ASTN2: variants seen among roughly 807,000 people sequenced by gnomAD.
ASTN2 encodes the protein astrotactin-2.
Under a neutral mutation model 139.8 loss-of-function variants are expected in ASTN2, and 54 were observed. That is an observed-to-expected ratio of 0.39 (90% CI 0.31 to 0.48). The LOEUF (loss-of-function observed/expected upper bound fraction) is 0.48. Among genes scored for constraint, ASTN2 ranks in the 20% least tolerant of loss-of-function variants. The probability of loss-of-function intolerance (pLI) is 0.95; values close to 1 mark genes in which losing one functional copy is unlikely to be tolerated. For synonymous variants in ASTN2, 756 were observed against 719.5 expected, an observed-to-expected ratio of 1.05 and a Z score of -0.81; for missense variants, 1,565 against 1,725.1, an observed-to-expected ratio of 0.91 and a Z score of 1.64.
intron 5 of ASTN2, among the ~76,000 whole-genome samples, chr9:117,071,172 T>C (rs1326206271): frequency 6.7e-6 from 1 of 150,362 alleles, no homozygotes; most frequent in African/African-American, 2.5e-5. Context: ...ATGATGGTGA[T>C]GTACAGATGG....
intron 13 of ASTN2, among the ~76,000 whole-genome samples, chr9:116,792,718 G>T (rs546465485): frequency 1.3e-5 from 2 of 152,118 alleles, no homozygotes; most frequent in African/African-American, 2.4e-5. Context: ...AGGATTATAC[G>T]CAGAAGACTT....
At chr9:116,628,328 A>G (rs1856564741) in intron 17 of ASTN2, among the ~76,000 whole-genome samples, 1 of 152,224 alleles carries the variant, frequency 6.6e-6, no homozygotes, top group Admixed American at 6.5e-5. Context: ...TTTCTAATTT[A>G]CTGTGTGACC....
intron 4 of ASTN2, among the ~76,000 whole-genome samples, chr9:117,102,635 G>C (rs948780338): frequency 2.0e-5 from 3 of 152,246 alleles, no homozygotes; most frequent in Non-Finnish European, 2.9e-5. Flanking sequence ...CGATTCTCCT[G>C]CCTTAGCTTC....
chr9:116,479,849 T>A (rs375983623), intron 20 of ASTN2, among the ~76,000 whole-genome samples: 3 of 152,220 alleles, frequency 2.0e-5, no homozygotes, highest in South Asian at 4.1e-4. Context: ...CATTTCTATA[T>A]GCCCAACTCT....
At chr9:116,932,594 G>A (rs1834932878) in intron 10 of ASTN2, among the ~76,000 whole-genome samples, 1 of 151,978 alleles carries the variant, frequency 6.6e-6, no homozygotes, top group South Asian at 2.1e-4. Context: ...ATGTGCCCTG[G>A]AACACCCCAT....
chr9:117,100,563 T>G (rs1163960830), intron 4 of ASTN2, among the ~76,000 whole-genome samples: 1 of 152,248 alleles, frequency 6.6e-6, no homozygotes, highest in Non-Finnish European at 1.5e-5. Flanking sequence ...ATGCATTTTG[T>G]GCTTACAGCA....
chr9:117,227,426 T>G (rs1832751073), intron 2 of ASTN2, among the ~76,000 whole-genome samples: 1 of 152,178 alleles, frequency 6.6e-6, no homozygotes, highest in Non-Finnish European at 1.5e-5. Flanking sequence ...TTGTCAATGC[T>G]TAGTAATTCT....
chr9:117,119,527 C>T (rs1250390583), intron 4 of ASTN2, among the ~76,000 whole-genome samples: 10 of 152,160 alleles, frequency 6.6e-5, no homozygotes, highest in Admixed American at 6.5e-4. Context: ...CATCTCACAG[C>T]TTTCACTCCA....
intron 16 of ASTN2, among the ~76,000 whole-genome samples, chr9:116,658,423 C>T (rs1858356096): frequency 6.6e-6 from 1 of 152,164 alleles, no homozygotes; most frequent in Non-Finnish European, 1.5e-5. Context: ...GAAGAAAGAA[C>T]TGGCCTGGAA....
intron 10 of ASTN2, among the ~76,000 whole-genome samples, chr9:116,876,110 A>G (rs1200766845): frequency 6.6e-6 from 1 of 152,240 alleles, no homozygotes. Flanking sequence ...CTTAGATGCC[A>G]TGAGAAAAAT....
chr9:116,792,129 G>C (rs1830576164), intron 13 of ASTN2, among the ~76,000 whole-genome samples: 1 of 151,902 alleles, frequency 6.6e-6, no homozygotes, highest in Admixed American at 6.6e-5. Flanking sequence ...AGATTACAGA[G>C]GGCTTGTTTA....
chr9:117,110,979 C>A (rs571617645), intron 4 of ASTN2, among the ~76,000 whole-genome samples: 27 of 152,266 alleles, frequency 1.8e-4, no homozygotes, highest in Admixed American at 4.6e-4. Flanking sequence ...GACCTCTGGA[C>A]TACACATGTG....
chr9:116,620,444 C>A lies in ASTN2; in HGVS notation c.3073-1G>T. On this transcript the variant is annotated splice_acceptor_variant, in intron 17 of 22. Transcript: ENST00000313400. LOFTEE classifies it high-confidence loss of function. Reference sequence around the variant, plus strand: ...AACTCATCAGTGCACTCTTGAAGGCCTGGACAAAAAAAGAGGACAGAATAG... The same window carrying A: ...AACTCATCAGTGCACTCTTGAAGGCATGGACAAAAAAAGAGGACAGAATAG... 6.2e-7 allele frequency: 1 copy of A among 1,613,542 alleles called. No homozygotes were observed. Among genetic ancestry groups the A allele is most frequent in the Admixed American group, 1.7e-5 (1 of 59,902 alleles).
At chr9:117,229,153 C>T (rs1035098971) in intron 2 of ASTN2, among the ~76,000 whole-genome samples, 6 of 152,192 alleles carry the variant, frequency 3.9e-5, no homozygotes, top group African/African-American at 1.4e-4. Context: ...CCCCTGCTGG[C>T]AGGACAGGCA....
intron 1 of ASTN2, among the ~76,000 whole-genome samples, chr9:117,393,115 C>G (rs181977965): frequency 1.4e-3 from 210 of 152,306 alleles, no homozygotes; most frequent in African/African-American, 5.0e-3. Flanking sequence ...AAGGCCAGCC[C>G]CTCCTCAGCC....
chr9:117,089,631 G>C (rs142629379), intron 5 of ASTN2, among the ~76,000 whole-genome samples: 2 of 151,876 alleles, frequency 1.3e-5, no homozygotes, highest in Non-Finnish European at 2.9e-5. Flanking sequence ...CCCATCACCT[G>C]AGCAGTATAC....
intron 13 of ASTN2, among the ~76,000 whole-genome samples, chr9:116,764,522 T>G (rs1402436550): frequency 6.6e-6 from 1 of 152,204 alleles, no homozygotes; most frequent in Non-Finnish European, 1.5e-5. Flanking sequence ...TGAACTCAGA[T>G]TCTGTTTTCT....
chr9:117,385,691 C>A (rs1830377773), intron 1 of ASTN2, among the ~76,000 whole-genome samples: 2 of 151,542 alleles, frequency 1.3e-5, no homozygotes, highest in South Asian at 4.2e-4. Flanking sequence ...TCTGTGTGCC[C>A]CTAGGAACGA....
chr9:116,895,249 T>C (rs549000178), intron 10 of ASTN2, among the ~76,000 whole-genome samples: 3 of 152,378 alleles, frequency 2.0e-5, no homozygotes, highest in Admixed American at 6.5e-5. Context: ...CTTCAGGCTA[T>C]ATGCATAAGG....
Sources: allele counts gnomAD v4.1 joint callset (sites outside exome capture counted in the v4.1 genomes callset), GRCh38; gene constraint gnomAD v4.1.1; transcripts MANE v1.5; gene names NCBI Gene and HGNC (gene_info 2026-07-23, HGNC 2026-07-21).